GRIP1: variants seen among roughly 807,000 people sequenced by gnomAD.
GRIP1 encodes glutamate receptor interacting protein 1, also known as glutamate receptor-interacting protein 1.
A neutral mutation model predicts 129.9 loss-of-function variants in GRIP1; 45 were observed. The ratio of observed to expected loss-of-function variants is 0.35; its 90% CI spans 0.27 to 0.44. The LOEUF (loss-of-function observed/expected upper bound fraction) is 0.44. Among genes scored for constraint, GRIP1 ranks in the 20% least tolerant of loss-of-function variants. The probability of loss-of-function intolerance (pLI) is 1.00; values close to 1 mark genes in which losing one functional copy is unlikely to be tolerated. For synonymous variants in GRIP1, 530 were observed against 520.8 expected, an observed-to-expected ratio of 1.02 and a Z score of -0.24; for missense variants, 1,196 against 1,396.8, an observed-to-expected ratio of 0.86 and a Z score of 2.29.
rs149752627 is a variant in GRIP1, at chr12:66,914,467, T to C, written c.58+154583A>G. 3.1e-3 allele frequency among the ~76,000 whole-genome samples: 478 copies of C among 152,354 alleles called. 1 individual carries two copies. Among genetic ancestry groups the C allele is most frequent in the African/African-American group, 0.011 (456 of 41,586 alleles). On this transcript the variant is annotated intron_variant, in intron 1 of 1. Coordinates refer to the GRIP1 transcript ENST00000643019. ...CTAATCATAACTGTGATGTAGATAT[T>C]ACCATAATTAAAAATGGCCAAAACA...
At chr12:66,810,240 A>T (rs1465093095) in intron 1 of GRIP1, among the ~76,000 whole-genome samples, 2 of 152,210 alleles carry the variant, frequency 1.3e-5, no homozygotes, top group Non-Finnish European at 2.9e-5. Context: ...GGCTCAAATA[A>T]TTATAAATAG....
chr12:66,565,556 G>T (rs1359057752), intron 2 of GRIP1, among the ~76,000 whole-genome samples: 3 of 152,128 alleles, frequency 2.0e-5, no homozygotes, highest in Non-Finnish European at 4.4e-5. Context: ...GTCAGGTAGC[G>T]TGATGCCTCC....
chr12:66,445,658 A>G, intron 11 of GRIP1, 150 bp from the exon 12 acceptor site: 1 of 609,754 alleles, frequency 1.6e-6, no homozygotes, highest in Non-Finnish European at 2.9e-6. Context: ...GAGTTGAAAA[A>G]GATAAATGAA....
At chr12:66,741,672 G>T (rs2036791487) in intron 1 of GRIP1, among the ~76,000 whole-genome samples, 1 of 152,064 alleles carries the variant, frequency 6.6e-6, no homozygotes, top group Admixed American at 6.5e-5. Flanking sequence ...CGTTATTAAG[G>T]TTTCATATTG....
intron 1 of GRIP1, among the ~76,000 whole-genome samples, chr12:66,815,858 C>CTTTCTTTCTTTCTT (rs1477155577): frequency 8.2e-4 from 46 of 56,408 alleles, no homozygotes; most frequent in East Asian, 3.3e-3. Context: ...CTTTCTTTCT[C>CTTTCTTTCTTTCTT]TCTCTCTCTC....
intron 1 of GRIP1, among the ~76,000 whole-genome samples, chr12:66,809,222 T>C (rs1392035506): frequency 2.0e-5 from 3 of 152,174 alleles, no homozygotes; most frequent in African/African-American, 7.2e-5. Flanking sequence ...TCATCCCCTT[T>C]TAGGAAAAAA....
At chr12:66,826,612 T>C (rs138183728) in intron 1 of GRIP1, among the ~76,000 whole-genome samples, 1 of 152,234 alleles carries the variant, frequency 6.6e-6, no homozygotes, top group East Asian at 1.9e-4. Flanking sequence ...CTGCTGGAAT[T>C]AGAGATTCAA....
chr12:67,014,950 C>T (rs1208021926), intron 1 of GRIP1, among the ~76,000 whole-genome samples: 1 of 151,992 alleles, frequency 6.6e-6, no homozygotes, highest in African/African-American at 2.4e-5. Context: ...GATTTCCTTC[C>T]AGAATGGTTA....
At chr12:66,977,518 C>T (rs2042171588) in intron 1 of GRIP1, among the ~76,000 whole-genome samples, 1 of 152,088 alleles carries the variant, frequency 6.6e-6, no homozygotes, top group Non-Finnish European at 1.5e-5. Flanking sequence ...AGATTAGGAA[C>T]TGGCACACTA....
Position 66,465,283 on chromosome 12 carries a change from A to G in GRIP1, c.864T>C (p.Ile288=). 2 of 1,613,800 alleles carry G rather than the reference A, an allele frequency of 1.2e-6. No homozygotes were observed. The highest frequency in any genetic ancestry group is 1.7e-6 in the Non-Finnish European group (2 of 1,179,740). The change falls in exon 8 of 25, where the codon ATT becomes ATC. Residue 288 remains isoleucine (I), a synonymous_variant. Transcript: ENST00000359742. ...CTTTCTACAATACTTACCTGTCTGC[A>G]ATACTTGCAGATTTGATTTTGTCTA... The part of the protein sequence containing the change: ...IVIDKIKSAS[I]ADRCGALHVG...
chr12:67,061,229 T>C (rs2043529168), intron 1 of GRIP1, among the ~76,000 whole-genome samples: 1 of 152,260 alleles, frequency 6.6e-6, no homozygotes, highest in South Asian at 2.1e-4. Flanking sequence ...AATGCCTCCA[T>C]CCAGAGATGG....
chr12:66,767,591 T>C (rs2037682718), intron 1 of GRIP1, among the ~76,000 whole-genome samples: 1 of 150,234 alleles, frequency 6.7e-6, no homozygotes, highest in Non-Finnish European at 1.5e-5. Context: ...AAAAAGGCTT[T>C]AATCAGTATA....
At chr12:66,799,305 G>C (rs1161509186) in intron 1 of GRIP1, among the ~76,000 whole-genome samples, 1 of 152,070 alleles carries the variant, frequency 6.6e-6, no homozygotes, top group Non-Finnish European at 1.5e-5. Context: ...TCTTAGGGAA[G>C]AAAAATAAGC....
upstream of GRIP1, among the ~76,000 whole-genome samples, chr12:66,682,351 C>T (rs565355709): frequency 2.0e-5 from 3 of 152,238 alleles, no homozygotes; most frequent in South Asian, 6.2e-4. Flanking sequence ...CAAGTGTTTA[C>T]AGGAATCCCT....
intron 15 of GRIP1, among the ~76,000 whole-genome samples, chr12:66,419,839 T>C (rs1193384967): frequency 1.3e-5 from 2 of 152,240 alleles, no homozygotes; most frequent in Admixed American, 6.5e-5. Context: ...TTCACACCTA[T>C]AATCCCAGCA....
chr12:66,813,497 A>G lies in GRIP1; in HGVS notation c.59-216570T>C, dbSNP rs573977283. On this transcript the variant is annotated intron_variant, in intron 1 of 1. Coordinates refer to the GRIP1 transcript ENST00000643019. ...AAATACATCATCAAAGTAATTTCCA[A>G]TGGTGAGAAGTGACAAGGTGATGCA... 5.8e-4 allele frequency among the ~76,000 whole-genome samples: 88 copies of G among 152,326 alleles called. No homozygotes were observed. In the Middle Eastern group the frequency reaches 0.017, roughly 29 times the overall value.
At chr12:66,930,536 T>C (rs572872237) in intron 1 of GRIP1, among the ~76,000 whole-genome samples, 1 of 151,860 alleles carries the variant, frequency 6.6e-6, no homozygotes, top group Non-Finnish European at 1.5e-5. Flanking sequence ...TTCCAAGTCT[T>C]TGCTATTGTG....
chr12:66,857,430 A>G (rs1405615060), intron 1 of GRIP1, among the ~76,000 whole-genome samples: 8 of 152,006 alleles, frequency 5.3e-5, no homozygotes, highest in Non-Finnish European at 1.2e-4. Flanking sequence ...ACTGTGAGCC[A>G]GGTGTTTTGT....
At chr12:67,017,385 A>G (rs2042803517) in intron 1 of GRIP1, among the ~76,000 whole-genome samples, 1 of 152,104 alleles carries the variant, frequency 6.6e-6, no homozygotes, top group Non-Finnish European at 1.5e-5. Context: ...TAGTGGCATT[A>G]GGTTGGGCCT....
Sources: allele counts gnomAD v4.1 joint callset (sites outside exome capture counted in the v4.1 genomes callset), GRCh38; gene constraint gnomAD v4.1.1; transcripts MANE v1.5; gene names NCBI Gene and HGNC (gene_info 2026-07-23, HGNC 2026-07-21).